Variants in CCNYL1 observed in about 807,000 individuals in gnomAD.
CCNYL1 encodes cyclin Y like 1.
In CCNYL1, 16 loss-of-function variants were observed where a neutral mutation model predicts 44.2. The observed-to-expected ratio is 0.36, with a 90% CI of 0.25 to 0.55. The LOEUF is 0.55. Ranked by LOEUF, CCNYL1 falls within the 20% of genes least tolerant of loss-of-function variation. The pLI is 0.85. For missense variants in CCNYL1, 348 were observed against 451.8 expected (o/e 0.77, Z 2.08); for synonymous variants, 159 against 163.2 (o/e 0.97, Z 0.20).
chr2:207,737,487 A>G, intron 5 of CCNYL1, 41 bp downstream of exon 5: 1 of 1,517,978 alleles, frequency 6.6e-7, no homozygotes, highest in Non-Finnish European at 9.1e-7. Flanking sequence ...CCAGCTAATT[A>G]CTTTGCATGA....
chr2:207,746,859 C>T (rs1405076045), intron 7 of CCNYL1, among the ~76,000 whole-genome samples, 188 bp from the exon 8 acceptor site: 5 of 152,014 alleles, frequency 3.3e-5, no homozygotes, highest in African/African-American at 1.2e-4. Flanking sequence ...GCCTGTAATC[C>T]CACCTAGTCG....
At position 207,714,452 on chromosome 2, in the gene CCNYL1, T is replaced by C. The variant is rs182819893; in HGVS notation, c.220+2336T>C. The C allele has an allele frequency of 1.6e-3, 580 of 372,808 alleles. 7 individuals carry two copies. The highest frequency in any genetic ancestry group is 6.8e-4 in the Non-Finnish European group (132 of 194,450). The allele number at this position is 372,808 out of a possible 1,614,324, so 23.1% of individuals were successfully genotyped here. A position where few individuals can be genotyped will look rare whatever the true frequency, so the allele number is the denominator to read the frequency against. ...GCTGGGACCACGGGCGTGTGCCATC[T>C]TGCCTGGCTCCATCTTATGTCTATA... On this transcript the variant is annotated intron_variant, in intron 1 of 9. Transcript: ENST00000295414.
At position 207,711,860 on chromosome 2, in the gene CCNYL1, G is replaced by T. The variant is rs1466598072; in HGVS notation, c.-37G>T. 7.5e-7 allele frequency: 1 copy of T among 1,332,940 alleles called. No homozygotes were observed. Among genetic ancestry groups the T allele is most frequent in the South Asian group, 1.8e-5 (1 of 54,316 alleles). The allele number at this position is 1,332,940 out of a possible 1,614,324, so 82.6% of individuals were successfully genotyped here. On this transcript the variant is annotated 5_prime_UTR_variant, in exon 1 of 10. Coordinates refer to ENST00000295414, the MANE Select transcript of CCNYL1 (RefSeq NM_001330218.2). ...TGTTGAGGGCGGCGGAGTAGGGGGC[G>T]AGCGAAGGCGGTGGCAGAGAGGAGC... is the stretch of plus-strand genomic sequence containing the variant.
intron 7 of CCNYL1, among the ~76,000 whole-genome samples, chr2:207,743,585 T>TA (rs1341718626): frequency 6.6e-6 from 1 of 151,970 alleles, no homozygotes; most frequent in Non-Finnish European, 1.5e-5. Context: ...CCCCCATCTC[T>TA]AAAAAAAGAA....
chr2:207,724,822 T>C lies in CCNYL1; in HGVS notation c.243T>C (p.Pro81=). Reference sequence around the variant, plus strand: ...TAGATTTAGCTTTGGAGTCAAACCCTTCTGACCATCCAAGGGCAAGCACAA... The same window carrying C: ...TAGATTTAGCTTTGGAGTCAAACCCCTCTGACCATCCAAGGGCAAGCACAA... The part of the protein sequence containing the change: ...MPEDLALESN[P]SDHPRASTIF... The change falls in exon 2 of 10, where the codon CCT becomes CCC. Residue 81 remains proline, a synonymous_variant. Transcript: ENST00000295414. 6.2e-7 allele frequency: 1 copy of C among 1,613,790 alleles called. No homozygotes were observed. Among genetic ancestry groups the C allele is most frequent in the Non-Finnish European group, 8.5e-7 (1 of 1,179,818 alleles).
chr2:207,718,483 G>A (rs995790240), intron 1 of CCNYL1, among the ~76,000 whole-genome samples: 41 of 152,038 alleles, frequency 2.7e-4, no homozygotes, highest in African/African-American at 8.9e-4. Context: ...CCTCCAGCCT[G>A]GGTGACAGTG....
At chr2:207,714,387 CCTGGG>C in intron 1 of CCNYL1, 1 of 415,852 alleles carries the variant, frequency 2.4e-6, no homozygotes, top group Non-Finnish European at 4.6e-6. Flanking sequence ...GAACTCCTGG[CCTGGG>C]CTCAAGCAGT....
chr2:207,741,561 G>C (rs1477178367), intron 6 of CCNYL1, among the ~76,000 whole-genome samples: 1 of 152,026 alleles, frequency 6.6e-6, no homozygotes, highest in Non-Finnish European at 1.5e-5. Context: ...GGAGTACTTA[G>C]GCCAGCTGGG....
intron 1 of CCNYL1, among the ~76,000 whole-genome samples, chr2:207,723,495 A>G (rs1415408491): frequency 6.6e-6 from 1 of 152,150 alleles, no homozygotes; most frequent in African/African-American, 2.4e-5. Flanking sequence ...TTATATTAAT[A>G]TGTAGTTTTG....
chr2:207,719,870 G>A (rs1559164836), intron 1 of CCNYL1, among the ~76,000 whole-genome samples: 1 of 151,890 alleles, frequency 6.6e-6, no homozygotes, highest in Non-Finnish European at 1.5e-5. Flanking sequence ...CTGGGACTAA[G>A]AGTTTTCCAA....
chr2:207,731,100 T>G (rs1440214434), intron 3 of CCNYL1, among the ~76,000 whole-genome samples: 2 of 152,216 alleles, frequency 1.3e-5, no homozygotes, highest in African/African-American at 4.8e-5. Context: ...CCCATTACTG[T>G]GCAACATAGA....
chr2:207,753,094 C>T (rs1171557117), intron 9 of CCNYL1, among the ~76,000 whole-genome samples: 1 of 151,842 alleles, frequency 6.6e-6, no homozygotes, highest in African/African-American at 2.4e-5. Context: ...TGAAGTAATA[C>T]CTTTTGGCGC....
chr2:207,740,614 T>A, intron 5 of CCNYL1, 41 bp from the exon 6 acceptor site: 1 of 1,356,700 alleles, frequency 7.4e-7, no homozygotes, highest in South Asian at 1.2e-5. Context: ...ATATTAACAA[T>A]TCCTGAATTA....
intron 1 of CCNYL1, among the ~76,000 whole-genome samples, chr2:207,715,600 G>A (rs1422798370): frequency 1.3e-5 from 2 of 151,050 alleles, no homozygotes; most frequent in African/African-American, 4.9e-5. Flanking sequence ...GGCTGGTCTC[G>A]AACTCCTGAC....
intron 1 of CCNYL1, among the ~76,000 whole-genome samples, chr2:207,719,424 C>A (rs2091622759): frequency 6.6e-6 from 1 of 151,882 alleles, no homozygotes. Context: ...CCTCAGCCTC[C>A]TGAGTAGCTG....
At chr2:207,712,854 C>T (rs879655981) in intron 1 of CCNYL1, among the ~76,000 whole-genome samples, 3 of 152,108 alleles carry the variant, frequency 2.0e-5, no homozygotes, top group Admixed American at 2.0e-4. Context: ...TTTTGTCGCC[C>T]GCCCAGGCTG....
intron 8 of CCNYL1, among the ~76,000 whole-genome samples, chr2:207,748,454 G>A (rs769524534): frequency 2.6e-5 from 4 of 152,200 alleles, no homozygotes; most frequent in African/African-American, 9.7e-5. Flanking sequence ...CTGGCCTCGT[G>A]TCGGCCGTGA....
intron 9 of CCNYL1, among the ~76,000 whole-genome samples, chr2:207,753,041 A>G (rs2091905398): frequency 6.6e-6 from 1 of 151,902 alleles, no homozygotes; most frequent in African/African-American, 2.4e-5. Flanking sequence ...AAAAAAAAAG[A>G]AAAAAATAAT....
intron 8 of CCNYL1, among the ~76,000 whole-genome samples, chr2:207,749,850 A>G (rs1003596528): frequency 2.0e-5 from 3 of 152,222 alleles, no homozygotes; most frequent in African/African-American, 7.2e-5. Flanking sequence ...GAGATCATCA[A>G]GCATTTGTTG....
Sources: allele counts gnomAD v4.1 joint callset (sites outside exome capture counted in the v4.1 genomes callset), GRCh38; gene constraint gnomAD v4.1.1; transcripts MANE v1.5; gene names NCBI Gene and HGNC (gene_info 2026-07-23, HGNC 2026-07-21).